Variants in TULP4 observed in about 807,000 individuals in gnomAD.
TULP4 encodes the protein tubby-related protein 4.
Under a neutral mutation model 129.0 loss-of-function variants are expected in TULP4, and 16 were observed. That is an observed-to-expected ratio of 0.12 (90% CI 0.08 to 0.19). The LOEUF (loss-of-function observed/expected upper bound fraction) is 0.19, where lower values mean the gene tolerates loss of function less well. Ranked by LOEUF, TULP4 falls within the 10% of genes least tolerant of loss-of-function variation. The pLI, the probability that TULP4 is intolerant of heterozygous loss-of-function variation, is 1.00. For missense variants in TULP4, 1,842 were observed against 2,059.1 expected (o/e 0.89, Z 2.04); for synonymous variants, 998 against 854.0 (o/e 1.17, Z -2.94).
At chr6:158,499,178 A>G (rs961862353) in intron 12 of TULP4, among the ~76,000 whole-genome samples, 3 of 152,216 alleles carry the variant, frequency 2.0e-5, no homozygotes, top group African/African-American at 4.8e-5. Flanking sequence ...CTGAGACTCA[A>G]TCTCATTGAT....
chr6:158,247,986 TAGA>T (rs1172872087), intron 1 of TULP4, among the ~76,000 whole-genome samples: 1 of 152,196 alleles, frequency 6.6e-6, no homozygotes, highest in African/African-American at 2.4e-5. Context: ...CTCCAGTGGT[TAGA>T]ATATCAAGAC....
At chr6:158,499,916 C>G (rs918965382) in intron 12 of TULP4, among the ~76,000 whole-genome samples, 1 of 152,184 alleles carries the variant, frequency 6.6e-6, no homozygotes, top group Non-Finnish European at 1.5e-5. Flanking sequence ...GGTGACCTCT[C>G]CTGCATGGGT....
intron 1 of TULP4, among the ~76,000 whole-genome samples, chr6:158,348,507 T>A (rs1780373926): frequency 6.6e-6 from 1 of 152,174 alleles, no homozygotes; most frequent in Non-Finnish European, 1.5e-5. Context: ...GGTTATAGAT[T>A]AACAGCATCC....
chr6:158,491,162 G>A (rs1302368314), intron 9 of TULP4, among the ~76,000 whole-genome samples: 2 of 152,146 alleles, frequency 1.3e-5, no homozygotes, highest in African/African-American at 2.4e-5. Flanking sequence ...GAGAGTCCCA[G>A]TTTCTTCCAT....
chr6:158,345,663 A>G (rs1035062951), intron 1 of TULP4, among the ~76,000 whole-genome samples: 1 of 152,238 alleles, frequency 6.6e-6, no homozygotes, highest in Non-Finnish European at 1.5e-5. Context: ...TACTGATAAG[A>G]GTCCAACAAA....
chr6:158,302,898 C>A (rs1306403109), intron 1 of TULP4, among the ~76,000 whole-genome samples: 1 of 151,738 alleles, frequency 6.6e-6, no homozygotes, highest in Admixed American at 6.6e-5. Flanking sequence ...CCCTTTTGAC[C>A]CTCAGGGCCA....
intron 1 of TULP4, among the ~76,000 whole-genome samples, chr6:158,305,416 G>A (rs1779203386): frequency 6.6e-6 from 1 of 151,218 alleles, no homozygotes; most frequent in South Asian, 2.1e-4. Flanking sequence ...CATTTGGGTT[G>A]TTGCTGGGTG....
At chr6:158,276,823 A>G (rs1206981831) in intron 1 of TULP4, among the ~76,000 whole-genome samples, 2 of 152,204 alleles carry the variant, frequency 1.3e-5, no homozygotes, top group Non-Finnish European at 2.9e-5. Flanking sequence ...ATATTTGCTA[A>G]TAATAATACC....
At chr6:158,337,128 C>CT (rs34480077) in intron 1 of TULP4, among the ~76,000 whole-genome samples, 14,791 of 73,756 alleles carry the variant, frequency 0.2, 4,733 homozygotes, top group Middle Eastern at 0.28. Context: ...CTTTCTTTCT[C>CT]TTTTTTTTTT....
At chr6:158,333,866 G>A (rs543451498) in intron 1 of TULP4, among the ~76,000 whole-genome samples, 50 of 152,214 alleles carry the variant, frequency 3.3e-4, no homozygotes, top group African/African-American at 1.1e-3. Flanking sequence ...GACCACACGT[G>A]GTGCTACTTT....
chr6:158,311,408 G>T (rs998597357), upstream of TULP4, among the ~76,000 whole-genome samples: 1 of 152,150 alleles, frequency 6.6e-6, no homozygotes, highest in Non-Finnish European at 1.5e-5. Context: ...GAGTGTTCTC[G>T]TGTTTGTAGA....
intron 1 of TULP4, among the ~76,000 whole-genome samples, chr6:158,392,204 A>C (rs552179305): frequency 1.1e-4 from 17 of 152,146 alleles, no homozygotes; most frequent in Non-Finnish European, 2.4e-4. Context: ...CAGGGGAACT[A>C]ATCTTTTTAA....
chr6:158,427,097 A>G (rs755151079), intron 2 of TULP4, among the ~76,000 whole-genome samples: 57 of 152,180 alleles, frequency 3.7e-4, no homozygotes, highest in Admixed American at 1.1e-3. Context: ...CTGAATAGCA[A>G]TTTGGATAGA....
At chr6:158,357,147 T>C (rs1780668568) in intron 1 of TULP4, among the ~76,000 whole-genome samples, 1 of 152,222 alleles carries the variant, frequency 6.6e-6, no homozygotes, top group South Asian at 2.1e-4. Flanking sequence ...GCTTCTCCCG[T>C]CTGCAGCACC....
intron 1 of TULP4, among the ~76,000 whole-genome samples, chr6:158,293,600 G>C (rs897635450): frequency 1.3e-5 from 2 of 152,140 alleles, no homozygotes; most frequent in Non-Finnish European, 2.9e-5. Flanking sequence ...GTGCTTCTGT[G>C]TGCCACACCT....
At chr6:158,367,798 T>G (rs961618193) in intron 1 of TULP4, among the ~76,000 whole-genome samples, 5 of 151,950 alleles carry the variant, frequency 3.3e-5, no homozygotes, top group African/African-American at 1.2e-4. Context: ...CCCAGCACTT[T>G]GGGAGGTTGA....
chr6:158,265,555 G>A (rs1778431509), intron 1 of TULP4, among the ~76,000 whole-genome samples: 1 of 152,028 alleles, frequency 6.6e-6, no homozygotes, highest in African/African-American at 2.4e-5. Context: ...GTGATGGCAT[G>A]CCTGTAGTCC....
chr6:158,287,710 A>G (rs1207999247), intron 1 of TULP4, among the ~76,000 whole-genome samples: 2 of 152,192 alleles, frequency 1.3e-5, no homozygotes, highest in Non-Finnish European at 2.9e-5. Flanking sequence ...AGTTGGGGGA[A>G]TTTGGGATGA....
chr6:158,254,967 G>A (rs1778218237), intron 1 of TULP4, among the ~76,000 whole-genome samples: 1 of 152,222 alleles, frequency 6.6e-6, no homozygotes, highest in South Asian at 2.1e-4. Flanking sequence ...AGCTACTCAG[G>A]AGGCTGAGTC....
Sources: gnomAD v4.1 joint callset for allele counts (sites outside exome capture counted in the v4.1 genomes callset) on GRCh38, gnomAD v4.1.1 for gene constraint, MANE v1.5 for transcripts, NCBI Gene and HGNC (gene_info 2026-07-23, HGNC 2026-07-21) for gene names.